SLC25A13: variants seen among roughly 807,000 people sequenced by gnomAD.
SLC25A13 encodes solute carrier family 25 member 13, also known as electrogenic aspartate/glutamate antiporter SLC25A13, mitochondrial.
A neutral mutation model predicts 85.5 loss-of-function variants in SLC25A13; 70 were observed. The observed-to-expected ratio is 0.82, with a 90% CI of 0.68 to 1.00. The LOEUF is 1.00. Ranked by LOEUF, SLC25A13 falls within the 50% of genes least tolerant of loss-of-function variation. SLC25A13 has a pLI of 0.00. For synonymous variants in SLC25A13, 259 were observed against 288.7 expected (o/e 0.90, Z 1.04); for missense variants, 765 against 819.8 (o/e 0.93, Z 0.82).
chr7:96,295,732 C>T (rs1437899150), intron 2 of SLC25A13, among the ~76,000 whole-genome samples: 1 of 152,082 alleles, frequency 6.6e-6, no homozygotes, highest in East Asian at 1.9e-4. Context: ...TACCTTTCTA[C>T]ACCATATTCA....
At chr7:96,297,487 C>T (rs1284881098) in intron 1 of SLC25A13, among the ~76,000 whole-genome samples, 1 of 152,020 alleles carries the variant, frequency 6.6e-6, no homozygotes, top group African/African-American at 2.4e-5. Context: ...GCGCGTACTA[C>T]CACTCCCAGC....
intron 13 of SLC25A13, among the ~76,000 whole-genome samples, chr7:96,148,633 G>T (rs1320435845): frequency 1.3e-5 from 2 of 152,218 alleles, no homozygotes; most frequent in Admixed American, 6.5e-5. Context: ...GGGTAGAATT[G>T]CTGAGAAAGA....
intron 1 of SLC25A13, among the ~76,000 whole-genome samples, chr7:96,304,015 A>C (rs569283787): frequency 6.6e-6 from 1 of 152,282 alleles, no homozygotes; most frequent in African/African-American, 2.4e-5. Context: ...TGCAAAAGAA[A>C]GTTTGGAATT....
chr7:96,229,796 G>A (rs957687169), intron 4 of SLC25A13, among the ~76,000 whole-genome samples: 2 of 152,014 alleles, frequency 1.3e-5, no homozygotes, highest in Non-Finnish European at 2.9e-5. Flanking sequence ...AAGAAACTCC[G>A]AACACATCCA....
intron 13 of SLC25A13, among the ~76,000 whole-genome samples, chr7:96,146,903 T>C (rs995792082): frequency 2.0e-5 from 3 of 152,226 alleles, no homozygotes; most frequent in Admixed American, 2.0e-4. Context: ...ATGTCCTTAA[T>C]GTGGAGGCTG....
chr7:96,149,831 A>G (rs972038324), intron 13 of SLC25A13, among the ~76,000 whole-genome samples: 3 of 152,194 alleles, frequency 2.0e-5, no homozygotes, highest in Non-Finnish European at 4.4e-5. Context: ...CATTCACAGT[A>G]CCATACCCAT....
At chr7:96,207,847 A>G (rs1795517266) in intron 5 of SLC25A13, among the ~76,000 whole-genome samples, 1 of 152,070 alleles carries the variant, frequency 6.6e-6, no homozygotes, top group Non-Finnish European at 1.5e-5. Context: ...GGGAAAGTGC[A>G]CCCCAGAAAT....
At position 96,195,358 on chromosome 7, in the gene SLC25A13, C is replaced by T. The variant is rs1159371424; in HGVS notation, c.469-2175G>A. On this transcript the variant is annotated intron_variant, in intron 5 of 17. Transcript: ENST00000265631. ...AGTAAACCAGTTACCAAATTCTGTC[C>T]CTTAGGCCTTTGAAAGTTTGCCCAA... is the stretch of plus-strand genomic sequence containing the variant. Among the ~76,000 whole-genome samples the T allele has an allele frequency of 2.0e-5, 3 of 152,050 alleles. No individual in the cohort carries two copies. The East Asian group carries it at 5.8e-4, about 29-fold the overall frequency.
Position 96,121,646 on chromosome 7 carries a change from G to T in SLC25A13, c.1841+9C>A. ...CAAAATTTAGCAGCAGATTTAGCAT[G>T]ATACTTACACTCCTCCAAAATCAAT... On this transcript the variant is annotated intron_variant, in intron 17 of 17. Transcript: ENST00000265631. 1 of 1,613,866 alleles carries T rather than the reference G, an allele frequency of 6.2e-7. No homozygotes were observed. The highest frequency in any genetic ancestry group is 8.5e-7 in the Non-Finnish European group (1 of 1,179,850).
intron 5 of SLC25A13, among the ~76,000 whole-genome samples, chr7:96,194,779 C>T (rs1301622134): frequency 6.6e-6 from 1 of 152,114 alleles, no homozygotes; most frequent in Non-Finnish European, 1.5e-5. Context: ...TTATAGTCTT[C>T]TACTTTTGCA....
intron 5 of SLC25A13, among the ~76,000 whole-genome samples, chr7:96,198,319 C>G (rs1795137222): frequency 6.6e-6 from 1 of 152,084 alleles, no homozygotes. Context: ...TGATTTTTGT[C>G]CAGGTGAAAG....
At chr7:96,250,521 C>A (rs1797380971) in intron 3 of SLC25A13, among the ~76,000 whole-genome samples, 1 of 152,142 alleles carries the variant, frequency 6.6e-6, no homozygotes, top group Non-Finnish European at 1.5e-5. Flanking sequence ...GGACATGAGT[C>A]CAGTCCCTTG....
intron 4 of SLC25A13, among the ~76,000 whole-genome samples, chr7:96,229,814 G>A (rs566945465): frequency 6.6e-6 from 1 of 152,182 alleles, no homozygotes; most frequent in East Asian, 1.9e-4. Flanking sequence ...CCAAACATAA[G>A]AAGGAACAAA....
intron 2 of SLC25A13, among the ~76,000 whole-genome samples, chr7:96,284,485 A>G (rs990996788): frequency 1.3e-5 from 2 of 152,202 alleles, no homozygotes; most frequent in Non-Finnish European, 2.9e-5. Context: ...TTACTCTGTA[A>G]TATGTCTTCT....
chr7:96,230,749 A>T (rs1796511436), intron 4 of SLC25A13, among the ~76,000 whole-genome samples: 1 of 152,204 alleles, frequency 6.6e-6, no homozygotes, highest in South Asian at 2.1e-4. Context: ...GGCTAGCCAT[A>T]TGCAGAAGAC....
chr7:96,199,387 A>G (rs916681504), intron 5 of SLC25A13, among the ~76,000 whole-genome samples: 3 of 152,228 alleles, frequency 2.0e-5, no homozygotes, highest in African/African-American at 7.2e-5. Context: ...TACCTAAATA[A>G]GTGAATAAAG....
In SLC25A13 at chr7:96,121,910, C is replaced by T. The variant is rs1039282208; in HGVS notation, c.1679G>A (p.Ser560Asn). 1 of 1,614,018 alleles carries T rather than the reference C, an allele frequency of 6.2e-7. No homozygotes were observed. The highest frequency in any genetic ancestry group is 1.3e-5 in the African/African-American group (1 of 74,910). The change falls in exon 16 of 18, where the codon AGC becomes AAC. Residue 560 changes from serine (S) to asparagine (N), a missense_variant. Physicochemically the swap from Ser to Asn is conservative, Grantham distance 46 (BLOSUM62 1). Transcript: ENST00000265631. ...CTTTCTAAAGCAGTCTATCACTCCGCTGTAAGTGGTTTGGCCAGCCCGGGC... is the reference window on the plus strand; with the variant it reads ...CTTTCTAAAGCAGTCTATCACTCCGTTGTAAGTGGTTTGGCCAGCCCGGGC... ...VAARAGQTTY[S>N]GVIDCFRKIL...
At chr7:96,251,002 C>T (rs1797401917) in intron 3 of SLC25A13, among the ~76,000 whole-genome samples, 1 of 152,086 alleles carries the variant, frequency 6.6e-6, no homozygotes, top group African/African-American at 2.4e-5. Context: ...AGACAAAAAT[C>T]CCTGCTTTCG....
chr7:96,276,182 C>G (rs1003443802), intron 3 of SLC25A13, among the ~76,000 whole-genome samples: 2 of 152,164 alleles, frequency 1.3e-5, no homozygotes, highest in Admixed American at 6.5e-5. Context: ...TACAGTTTAC[C>G]TAGAGAAGGT....
Sources: gnomAD v4.1 joint callset for allele counts (sites outside exome capture counted in the v4.1 genomes callset) on GRCh38, gnomAD v4.1.1 for gene constraint, MANE v1.5 for transcripts, NCBI Gene and HGNC (gene_info 2026-07-23, HGNC 2026-07-21) for gene names.